The following RBFOX1 variants were observed in gnomAD, a reference collection of about 807,000 sequenced individuals.
The protein encoded by RBFOX1 is RNA binding fox-1 homolog 1, also known as RNA binding protein fox-1 homolog 1.
A neutral mutation model predicts 57.7 loss-of-function variants in RBFOX1; 8 were observed. The ratio of observed to expected loss-of-function variants is 0.14; its 90% CI spans 0.08 to 0.25. The LOEUF (loss-of-function observed/expected upper bound fraction) is 0.25. Ranked by LOEUF, RBFOX1 falls within the 10% of genes least tolerant of loss-of-function variation. The probability of loss-of-function intolerance (pLI) is 1.00; values close to 1 mark genes in which losing one functional copy is unlikely to be tolerated. For missense variants in RBFOX1, 611 were observed against 548.5 expected, an observed-to-expected ratio of 1.11 and a Z score of -1.14; for synonymous variants, 326 against 222.4, an observed-to-expected ratio of 1.47 and a Z score of -4.15.
intron 1 of RBFOX1, among the ~76,000 whole-genome samples, chr16:6,208,545 C>G (rs1333791185): frequency 6.6e-6 from 1 of 152,160 alleles, no homozygotes; most frequent in Non-Finnish European, 1.5e-5. Context: ...CTTACAGACA[C>G]AATTCTCTCC....
intron 10 of RBFOX1, among the ~76,000 whole-genome samples, chr16:7,620,091 C>G (rs556079343): frequency 1.3e-5 from 2 of 152,272 alleles, no homozygotes; most frequent in African/African-American, 4.8e-5. Flanking sequence ...CACAATAGTT[C>G]AATAGCTATA....
chr16:6,646,551 G>A (rs1338241966), intron 2 of RBFOX1, among the ~76,000 whole-genome samples: 2 of 152,080 alleles, frequency 1.3e-5, no homozygotes, highest in Non-Finnish European at 2.9e-5. Context: ...ATTAACACCT[G>A]CCACTTCTGT....
intron 3 of RBFOX1, among the ~76,000 whole-genome samples, chr16:5,660,298 C>G (rs2049602867): frequency 6.6e-6 from 1 of 152,148 alleles, no homozygotes; most frequent in Non-Finnish European, 1.5e-5. Flanking sequence ...CCTGTTGAGT[C>G]TTTGTGACCA....
chr16:7,246,633 CT>C (rs56654382), intron 4 of RBFOX1, among the ~76,000 whole-genome samples: 4,708 of 105,390 alleles, frequency 0.045, 91 homozygotes, highest in Admixed American at 0.062. Flanking sequence ...TGGTCACCTC[CT>C]TTTTTTTTTT....
At chr16:6,998,458 G>A (rs868134456) in intron 3 of RBFOX1, among the ~76,000 whole-genome samples, 1 of 152,180 alleles carries the variant, frequency 6.6e-6, no homozygotes, top group Non-Finnish European at 1.5e-5. Flanking sequence ...AGTTGTGTTA[G>A]ACAAGGTTTT....
intron 2 of RBFOX1, among the ~76,000 whole-genome samples, chr16:5,553,699 GTA>G (rs1446589690): frequency 4.9e-5 from 3 of 61,100 alleles, no homozygotes; most frequent in South Asian, 3.8e-4. Flanking sequence ...ACATATATAT[GTA>G]TATATATGTG....
intron 3 of RBFOX1, among the ~76,000 whole-genome samples, chr16:6,966,665 G>T (rs373190649): frequency 6.6e-6 from 1 of 152,206 alleles, no homozygotes; most frequent in East Asian, 1.9e-4. Flanking sequence ...TTAGGCATGA[G>T]ATAGTGCAAG....
chr16:7,579,152 A>T (rs138925139), intron 5 of RBFOX1, among the ~76,000 whole-genome samples: 2 of 152,260 alleles, frequency 1.3e-5, no homozygotes, highest in African/African-American at 2.4e-5. Flanking sequence ...AAATTGTCAC[A>T]TGTGGTCAAC....
intron 2 of RBFOX1, among the ~76,000 whole-genome samples, chr16:6,548,805 G>A (rs1300481258): frequency 2.0e-5 from 3 of 152,050 alleles, no homozygotes; most frequent in Non-Finnish European, 4.4e-5. Flanking sequence ...GCTGGGTGCA[G>A]TGGCTTGCGC....
chr16:5,559,465 C>T (rs1249611288), intron 2 of RBFOX1, among the ~76,000 whole-genome samples: 1 of 152,102 alleles, frequency 6.6e-6, no homozygotes, highest in Non-Finnish European at 1.5e-5. Context: ...ACAAGCCGAA[C>T]AAGGCTACAG....
At chr16:6,458,837 C>A (rs539317397) in intron 2 of RBFOX1, among the ~76,000 whole-genome samples, 2 of 152,192 alleles carry the variant, frequency 1.3e-5, no homozygotes, top group African/African-American at 4.8e-5. Flanking sequence ...GCATCTTGCC[C>A]TTGCAATACT....
At chr16:7,580,248 A>G (rs1225642559) in intron 6 of RBFOX1, among the ~76,000 whole-genome samples, 5 of 152,200 alleles carry the variant, frequency 3.3e-5, no homozygotes, top group Non-Finnish European at 5.9e-5. Context: ...CCAGGACATC[A>G]TACTGCAGCA....
intron 1 of RBFOX1, among the ~76,000 whole-genome samples, chr16:5,329,580 T>C (rs2064687774): frequency 6.6e-6 from 1 of 152,190 alleles, no homozygotes; most frequent in African/African-American, 2.4e-5. Flanking sequence ...CCGAAAAACT[T>C]ACATAATTTA....
At chr16:6,937,051 C>T (rs967072542) in intron 3 of RBFOX1, among the ~76,000 whole-genome samples, 2 of 151,674 alleles carry the variant, frequency 1.3e-5, no homozygotes, top group East Asian at 3.9e-4. Flanking sequence ...ATGTAACTAA[C>T]CTGCACAATG....
intron 3 of RBFOX1, among the ~76,000 whole-genome samples, chr16:5,668,644 A>C (rs1041035681): frequency 2.6e-5 from 4 of 152,182 alleles, no homozygotes; most frequent in African/African-American, 7.2e-5. Context: ...TCTTCATTTT[A>C]ACCAAACCAG....
chr16:6,582,170 C>G (rs975720245), intron 2 of RBFOX1, among the ~76,000 whole-genome samples: 5 of 152,154 alleles, frequency 3.3e-5, no homozygotes, highest in African/African-American at 1.2e-4. Context: ...AAATATAAAA[C>G]ACAATTTTGT....
rs200861742 is a variant in RBFOX1, at chr16:5,591,028, T to C, written c.259-7874T>C. ...ATGTGAGCTAAACATTTTTTTTTTT[T>C]TTTCGGAAAATGGCAAGAAATGAAG... On this transcript the variant is annotated intron_variant, in intron 2 of 2. Transcript: ENST00000585867. 5.0e-4 allele frequency among the ~76,000 whole-genome samples: 76 copies of C among 152,164 alleles called. No individual in the cohort carries two copies. The East Asian group carries it at 0.01, about 21-fold the overall frequency.
intron 1 of RBFOX1, among the ~76,000 whole-genome samples, chr16:6,176,470 G>A (rs1465954661): frequency 1.3e-5 from 2 of 151,740 alleles, no homozygotes; most frequent in African/African-American, 4.8e-5. Context: ...CAGGATTGAG[G>A]AATTTAGTTA....
Position 5,512,919 on chromosome 16 carries a change from C to G in RBFOX1, c.258+45665C>G, listed in dbSNP as rs116989947. 3.4e-4 allele frequency among the ~76,000 whole-genome samples: 52 copies of G among 152,228 alleles called. No individual in the cohort carries two copies. The East Asian group carries it at 8.9e-3, about 26-fold the overall frequency. On this transcript the variant is annotated intron_variant, in intron 2 of 2. Coordinates refer to the RBFOX1 transcript ENST00000585867. Reference sequence around the variant, plus strand: ...CTCTGGACTGTGATGGTTTCTCAGACTTTCCTTGTTTTTTGAGACAGGGTC... The same window carrying G: ...CTCTGGACTGTGATGGTTTCTCAGAGTTTCCTTGTTTTTTGAGACAGGGTC...
Sources: allele counts gnomAD v4.1 joint callset (sites outside exome capture counted in the v4.1 genomes callset), GRCh38; gene constraint gnomAD v4.1.1; transcripts MANE v1.5; gene names NCBI Gene and HGNC (gene_info 2026-07-23, HGNC 2026-07-21).